The following PRKN variants were observed in gnomAD, a reference collection of about 807,000 sequenced individuals.
The protein encoded by PRKN is parkin RBR E3 ubiquitin protein ligase, also known as E3 ubiquitin-protein ligase parkin.
In PRKN, 56 loss-of-function variants were observed where a neutral mutation model predicts 59.5. The ratio of observed to expected loss-of-function variants is 0.94; its 90% CI spans 0.76 to 1.18. The LOEUF is 1.18. Among genes scored for constraint, PRKN ranks in the 50% most tolerant of loss-of-function variants. The pLI is 0.00. For synonymous variants in PRKN, 250 were observed against 222.1 expected (o/e 1.13, Z -1.12); for missense variants, 657 against 596.4 (o/e 1.10, Z -1.06).
intron 1 of PRKN, among the ~76,000 whole-genome samples, chr6:162,640,295 C>T (rs535266170): frequency 6.6e-6 from 1 of 152,230 alleles, no homozygotes; most frequent in South Asian, 2.1e-4. Context: ...ATTGCTTGCA[C>T]AATTGATGTT....
chr6:162,702,709 G>T (rs191065080), intron 1 of PRKN, among the ~76,000 whole-genome samples: 1 of 152,170 alleles, frequency 6.6e-6, no homozygotes, highest in Non-Finnish European at 1.5e-5. Context: ...GTTTACAGCA[G>T]GCTGTCTACC....
intron 4 of PRKN, among the ~76,000 whole-genome samples, chr6:162,161,593 T>C (rs147816191): frequency 2.1e-3 from 318 of 152,310 alleles, no homozygotes; most frequent in African/African-American, 7.4e-3. Flanking sequence ...GTATCCACCC[T>C]GTTTCTGCAG....
rs1391684683 is a variant in PRKN at position 162,043,328 on chromosome 6, T to TTCAAAAAA, written c.618+10762_618+10763insTTTTTTGA. ...CACAATGCTGGGATCCAGAAAAATA[T>TTCAAAAAA]AGATGTTTTTGAATAAGGTTTTTGA... On this transcript the variant is annotated intron_variant, in intron 5 of 11. Transcript: ENST00000366898. Among the ~76,000 whole-genome samples the TTCAAAAAA allele has an allele frequency of 7.2e-5, 11 of 152,276 alleles. No individual in the cohort carries two copies. In the South Asian group the frequency reaches 2.3e-3, roughly 32 times the overall value.
At chr6:162,320,940 A>G (rs932513887) in intron 2 of PRKN, among the ~76,000 whole-genome samples, 2 of 151,992 alleles carry the variant, frequency 1.3e-5, no homozygotes, top group South Asian at 2.1e-4. Context: ...AAAGTTTCCA[A>G]TTGTCTTCAC....
intron 4 of PRKN, among the ~76,000 whole-genome samples, chr6:162,122,010 G>A (rs1275372165): frequency 6.6e-6 from 1 of 152,190 alleles, no homozygotes; most frequent in East Asian, 1.9e-4. Context: ...AATGGGATTA[G>A]AAGGCTGAAA....
intron 7 of PRKN, among the ~76,000 whole-genome samples, chr6:161,615,982 A>G (rs941697982): frequency 1.3e-5 from 2 of 152,100 alleles, no homozygotes; most frequent in Non-Finnish European, 2.9e-5. Context: ...GAATGGTAAC[A>G]CACACTTCTC....
intron 5 of PRKN, among the ~76,000 whole-genome samples, chr6:161,975,486 C>T (rs1789995): frequency 0.37 from 55,983 of 151,984 alleles, 10,693 homozygotes; most frequent in South Asian, 0.51. Context: ...TCCCCTTATA[C>T]GTTTGACAGC....
At chr6:162,412,462 C>A (rs1788400036) in intron 2 of PRKN, among the ~76,000 whole-genome samples, 1 of 151,840 alleles carries the variant, frequency 6.6e-6, no homozygotes, top group Non-Finnish European at 1.5e-5. Flanking sequence ...CATAGCAATC[C>A]AGTATACATT....
intron 4 of PRKN, among the ~76,000 whole-genome samples, chr6:162,107,589 A>G (rs1780245102): frequency 6.6e-6 from 1 of 152,246 alleles, no homozygotes; most frequent in African/African-American, 2.4e-5. Context: ...TGGCCCAGTC[A>G]GCAACTTTAT....
chr6:161,887,694 T>C (rs189581133), intron 6 of PRKN, among the ~76,000 whole-genome samples: 2 of 152,318 alleles, frequency 1.3e-5, no homozygotes, highest in African/African-American at 4.8e-5. Context: ...AAGAAGTTTT[T>C]AAAAATTTGC....
chr6:162,451,451 C>T (rs1384840646), intron 1 of PRKN, among the ~76,000 whole-genome samples: 1 of 151,062 alleles, frequency 6.6e-6, no homozygotes, highest in East Asian at 1.9e-4. Context: ...GGAATCAGGC[C>T]GGGCATGGTG....
chr6:161,965,500 C>T (rs1000148004), intron 6 of PRKN, among the ~76,000 whole-genome samples: 1 of 152,006 alleles, frequency 6.6e-6, no homozygotes, highest in African/African-American at 2.4e-5. Context: ...GATTCACTAG[C>T]TGCCTTCTAT....
chr6:162,343,672 A>G (rs1007048175), intron 2 of PRKN, among the ~76,000 whole-genome samples: 1 of 151,546 alleles, frequency 6.6e-6, no homozygotes, highest in African/African-American at 2.4e-5. Context: ...TTGTTTCTGT[A>G]CATTCATTTT....
intron 2 of PRKN, among the ~76,000 whole-genome samples, chr6:162,331,670 G>A (rs1307338765): frequency 6.6e-6 from 1 of 152,122 alleles, no homozygotes; most frequent in Non-Finnish European, 1.5e-5. Flanking sequence ...TAAATAGTTG[G>A]AATTTATTCT....
intron 1 of PRKN, among the ~76,000 whole-genome samples, chr6:162,587,634 G>A (rs1781117497): frequency 6.6e-6 from 1 of 152,016 alleles, no homozygotes; most frequent in Non-Finnish European, 1.5e-5. Flanking sequence ...ACATTACTGT[G>A]TTGTTATGCA....
chr6:162,138,370 C>T (rs1387483655), intron 4 of PRKN, among the ~76,000 whole-genome samples: 1 of 152,110 alleles, frequency 6.6e-6, no homozygotes, highest in Non-Finnish European at 1.5e-5. Flanking sequence ...GATGCCCCAG[C>T]AAAGCATAAA....
chr6:161,701,889 C>A (rs896519632), intron 7 of PRKN, among the ~76,000 whole-genome samples: 1 of 152,102 alleles, frequency 6.6e-6, no homozygotes, highest in African/African-American at 2.4e-5. Flanking sequence ...ATTTGAATGG[C>A]GGGCATCCAG....
intron 1 of PRKN, among the ~76,000 whole-genome samples, chr6:162,647,869 G>C (rs1310916306): frequency 1.5e-5 from 2 of 132,152 alleles, no homozygotes; most frequent in African/African-American, 5.8e-5. Context: ...CAATGAAGAA[G>C]TACTTTCTTT....
At chr6:161,863,464 C>A (rs1345846913) in intron 6 of PRKN, among the ~76,000 whole-genome samples, 3 of 152,112 alleles carry the variant, frequency 2.0e-5, no homozygotes, top group African/African-American at 7.2e-5. Flanking sequence ...AACAAGTATG[C>A]CCCCTTATTC....
Sources: allele counts gnomAD v4.1 joint callset (sites outside exome capture counted in the v4.1 genomes callset), GRCh38; gene constraint gnomAD v4.1.1; transcripts MANE v1.5; gene names NCBI Gene and HGNC (gene_info 2026-07-23, HGNC 2026-07-21).